Variants in DNAJB6 observed in about 807,000 individuals in gnomAD.
The protein encoded by DNAJB6 is DnaJ heat shock protein family (Hsp40) member B6.
In DNAJB6, 16 loss-of-function variants were observed where a neutral mutation model predicts 42.7. The observed-to-expected ratio is 0.37, with a 90% CI of 0.25 to 0.57. The LOEUF (loss-of-function observed/expected upper bound fraction) is 0.57, where lower values mean the gene tolerates loss of function less well. Among genes scored for constraint, DNAJB6 ranks in the 20% least tolerant of loss-of-function variants. The pLI is 0.74. For synonymous variants in DNAJB6, 170 were observed against 163.5 expected (o/e 1.04, Z -0.30); for missense variants, 347 against 416.8 (o/e 0.83, Z 1.46).
intron 1 of DNAJB6, among the ~76,000 whole-genome samples, chr7:157,347,560 G>A (rs565869165): frequency 6.6e-6 from 1 of 152,226 alleles, no homozygotes; most frequent in South Asian, 2.1e-4. Context: ...ATTCCTTTGA[G>A]CCCCCGTTTC....
intron 1 of DNAJB6, among the ~76,000 whole-genome samples, chr7:157,348,341 G>C (rs1254032268): frequency 6.6e-6 from 1 of 151,546 alleles, no homozygotes; most frequent in Non-Finnish European, 1.5e-5. Context: ...TGATCCACCC[G>C]TCTTGGCCTC....
At chr7:157,380,841 C>G (rs1186480274) in intron 5 of DNAJB6, 1 of 152,446 alleles carries the variant, frequency 6.6e-6, no homozygotes, top group Non-Finnish European at 1.5e-5. Flanking sequence ...GCCCTCCCTG[C>G]TCTGCGGAAG....
intron 1 of DNAJB6, among the ~76,000 whole-genome samples, chr7:157,340,814 G>C (rs891121807): frequency 1.3e-5 from 2 of 151,922 alleles, no homozygotes; most frequent in African/African-American, 4.8e-5. Context: ...GATGACAGGC[G>C]CGTGTCACCA....
intron 6 of DNAJB6, among the ~76,000 whole-genome samples, chr7:157,383,018 A>T (rs1356404547): frequency 1.3e-5 from 2 of 151,908 alleles, no homozygotes; most frequent in African/African-American, 4.8e-5. Context: ...TTTGTTTTTA[A>T]ATTTAAAAAG....
chr7:157,358,491 C>T (rs1276032541), intron 1 of DNAJB6, 56 bp from the exon 2 acceptor site: 1 of 1,159,720 alleles, frequency 8.6e-7, no homozygotes, highest in African/African-American at 1.5e-5. Context: ...CATCCCACCA[C>T]CGTGATTTGC....
chr7:157,338,530 T>TCAA (rs1224342352), intron 1 of DNAJB6, among the ~76,000 whole-genome samples: 1 of 152,180 alleles, frequency 6.6e-6, no homozygotes, highest in Non-Finnish European at 1.5e-5. Context: ...GACGGGGGTT[T>TCAA]CACCGTGTTG....
At chr7:157,349,007 A>ATC (rs994234981) in intron 1 of DNAJB6, among the ~76,000 whole-genome samples, 2 of 152,004 alleles carry the variant, frequency 1.3e-5, no homozygotes, top group African/African-American at 4.8e-5. Flanking sequence ...TCTCTATACC[A>ATC]TCTCCCCAGC....
intron 1 of DNAJB6, among the ~76,000 whole-genome samples, chr7:157,352,520 T>G (rs1799044156): frequency 6.6e-6 from 1 of 151,952 alleles, no homozygotes. Flanking sequence ...TTGGAGGTCC[T>G]TTGACTATTC....
At chr7:157,395,223 G>A (rs1399798955) in intron 8 of DNAJB6, among the ~76,000 whole-genome samples, 2 of 151,994 alleles carry the variant, frequency 1.3e-5, no homozygotes, top group African/African-American at 4.8e-5. Context: ...ATTTTGGGAG[G>A]GGGCTGGGGG....
intron 1 of DNAJB6, among the ~76,000 whole-genome samples, chr7:157,345,219 C>A (rs1361360242): frequency 1.3e-5 from 2 of 151,978 alleles, no homozygotes; most frequent in African/African-American, 4.8e-5. Context: ...GTCTTGAATT[C>A]CTGACCTCAG....
chr7:157,340,442 G>C (rs921708572), intron 1 of DNAJB6, among the ~76,000 whole-genome samples: 1 of 152,044 alleles, frequency 6.6e-6, no homozygotes, highest in Non-Finnish European at 1.5e-5. Flanking sequence ...GAAGAGCAAA[G>C]TTGGTGAAAA....
intron 2 of DNAJB6, among the ~76,000 whole-genome samples, chr7:157,358,903 A>G (rs1584896281): frequency 2.0e-5 from 3 of 152,180 alleles, no homozygotes; most frequent in South Asian, 4.1e-4. Flanking sequence ...CATCTTTTAC[A>G]TTGGACTTTG....
At chr7:157,399,278 T>C (rs1801736103) in intron 8 of DNAJB6, among the ~76,000 whole-genome samples, 1 of 152,206 alleles carries the variant, frequency 6.6e-6, no homozygotes. Context: ...TGTCTGGTGA[T>C]GCTCATGCCT....
chr7:157,378,047 ACTG>A (rs1459758202), intron 5 of DNAJB6: 5 of 152,200 alleles, frequency 3.3e-5, no homozygotes, highest in Admixed American at 2.0e-4. Flanking sequence ...AGGGAAGAAA[ACTG>A]CTATGTGCCT....
chr7:157,345,675 A>G (rs1259631563), intron 1 of DNAJB6, among the ~76,000 whole-genome samples: 1 of 152,132 alleles, frequency 6.6e-6, no homozygotes, highest in Non-Finnish European at 1.5e-5. Context: ...TTTGGGGGTC[A>G]TATCCAAACA....
rs139936188 is a variant in DNAJB6 at position 157,345,824 on chromosome 7, C to T, written c.-27+8680C>T. Reference sequence around the variant, plus strand: ...TGCCAAGTGGGGTTCTAATGGACACCTATGCTTGTAGAGCTCTGATGTGAG... The same window carrying T: ...TGCCAAGTGGGGTTCTAATGGACACTTATGCTTGTAGAGCTCTGATGTGAG... On this transcript the variant is annotated intron_variant, in intron 1 of 9. Transcript: ENST00000262177. 5.8e-4 allele frequency among the ~76,000 whole-genome samples: 88 copies of T among 152,226 alleles called. 1 individual carries two copies. Among genetic ancestry groups the T allele is most frequent in the Middle Eastern group, 6.8e-3 (2 of 294 alleles).
intron 1 of DNAJB6, among the ~76,000 whole-genome samples, chr7:157,350,191 C>T (rs531421696): frequency 4.6e-5 from 7 of 152,264 alleles, no homozygotes; most frequent in South Asian, 4.1e-4. Flanking sequence ...TGGACTGTCC[C>T]TGGAGTATCT....
intron 5 of DNAJB6, among the ~76,000 whole-genome samples, chr7:157,370,321 C>CA (rs1800139672): frequency 1.3e-5 from 2 of 151,762 alleles, no homozygotes; most frequent in African/African-American, 4.8e-5. Flanking sequence ...TATTATTAAA[C>CA]GGGCCCCTTC....
intron 4 of DNAJB6, among the ~76,000 whole-genome samples, 159 bp downstream of exon 4, chr7:157,366,720 C>T (rs535679724): frequency 6.6e-6 from 1 of 152,090 alleles, no homozygotes; most frequent in African/African-American, 2.4e-5. Context: ...AAATTGATGG[C>T]ATTTAAAAGT....
Sources: allele counts gnomAD v4.1 joint callset (sites outside exome capture counted in the v4.1 genomes callset), GRCh38; gene constraint gnomAD v4.1.1; transcripts MANE v1.5; gene names NCBI Gene and HGNC (gene_info 2026-07-23, HGNC 2026-07-21).